UNC13C: variants seen among roughly 807,000 people sequenced by gnomAD.
UNC13C encodes the protein protein unc-13 homolog C.
A neutral mutation model predicts 245.4 loss-of-function variants in UNC13C; 174 were observed. The observed-to-expected ratio is 0.71, with a 90% CI of 0.63 to 0.80. UNC13C has a LOEUF of 0.80. UNC13C is among the 30% of genes least tolerant of loss of function. The probability of loss-of-function intolerance (pLI) is 0.00; values close to 1 mark genes in which losing one functional copy is unlikely to be tolerated. For synonymous variants in UNC13C, 992 were observed against 895.1 expected (o/e 1.11, Z -1.93); for missense variants, 2,829 against 2,602.9 (o/e 1.09, Z -1.89).
chr15:54,345,971 C>A (rs564164450), intron 17 of UNC13C, among the ~76,000 whole-genome samples: 2 of 152,164 alleles, frequency 1.3e-5, no homozygotes, highest in African/African-American at 4.8e-5. Context: ...AACAGCTAAC[C>A]GCAGCTCAGC....
At chr15:53,962,866 C>T in the UNC13C span, among the ~76,000 whole-genome samples, 1 of 152,174 alleles carries the variant, frequency 6.6e-6, no homozygotes, top group Non-Finnish European at 1.5e-5. Context: ...TCATCAGAAC[C>T]ACCTGAAGGG....
chr15:54,028,838 C>T (rs1896235805), intron 2 of UNC13C, among the ~76,000 whole-genome samples: 1 of 151,864 alleles, frequency 6.6e-6, no homozygotes, highest in South Asian at 2.1e-4. Flanking sequence ...CTACAGGCGC[C>T]CGCAGCCTGC....
the UNC13C span, among the ~76,000 whole-genome samples, chr15:53,871,028 T>G: frequency 6.6e-6 from 1 of 152,208 alleles, no homozygotes; most frequent in Non-Finnish European, 1.5e-5. Flanking sequence ...CCAGTCATGT[T>G]GTGCTCTAAT....
intron 10 of UNC13C, among the ~76,000 whole-genome samples, chr15:54,266,917 T>C (rs1221446297): frequency 6.6e-6 from 1 of 152,112 alleles, no homozygotes; most frequent in East Asian, 1.9e-4. Context: ...CATGTAATGC[T>C]TTGTGTGGTT....
Position 54,250,449 on chromosome 15 carries a change from G to A in UNC13C, c.3448+5G>A. The A allele has an allele frequency of 6.3e-7, 1 of 1,596,548 alleles. No individual in the cohort carries two copies. Among genetic ancestry groups the A allele is most frequent in the Non-Finnish European group, 8.5e-7 (1 of 1,170,370 alleles). On this transcript the variant is annotated splice_donor_5th_base_variant and intron_variant, in intron 8 of 32. Transcript: ENST00000260323. ...TAAACGCTGACTGCTTGCAGAGTGA[G>A]TACTTGGTTTGGCTGAAAAAGTGGT...
the UNC13C span, among the ~76,000 whole-genome samples, chr15:53,949,332 G>C: frequency 6.6e-6 from 1 of 152,088 alleles, no homozygotes; most frequent in East Asian, 1.9e-4. Flanking sequence ...ACTTGCAGCT[G>C]TTTAAAAAAA....
intron 4 of UNC13C, among the ~76,000 whole-genome samples, chr15:54,151,682 G>A (rs751939952): frequency 6.6e-6 from 1 of 152,144 alleles, no homozygotes; most frequent in Non-Finnish European, 1.5e-5. Flanking sequence ...GGGATGATAC[G>A]AGTGAGCCAC....
At chr15:54,160,922 C>G (rs1357567458) in intron 4 of UNC13C, among the ~76,000 whole-genome samples, 12 of 152,004 alleles carry the variant, frequency 7.9e-5, no homozygotes. Context: ...GTAATATACT[C>G]TTTCAAATGT....
chr15:54,134,638 G>A (rs1022267281), intron 2 of UNC13C, among the ~76,000 whole-genome samples: 3 of 152,008 alleles, frequency 2.0e-5, no homozygotes, highest in Non-Finnish European at 4.4e-5. Context: ...TCCTGCCTTA[G>A]CCTCCCGAGT....
At chr15:54,316,795 C>T (rs911089237) in intron 13 of UNC13C, among the ~76,000 whole-genome samples, 6 of 151,932 alleles carry the variant, frequency 3.9e-5, no homozygotes, top group South Asian at 2.1e-4. Context: ...GGATTCAATT[C>T]GGCCTTTGGA....
chr15:54,616,078 A>C (rs1200325193), intron 30 of UNC13C, among the ~76,000 whole-genome samples: 1 of 152,070 alleles, frequency 6.6e-6, no homozygotes, highest in Non-Finnish European at 1.5e-5. Context: ...ATTCTAAAAG[A>C]TAATTAACCA....
the UNC13C span, among the ~76,000 whole-genome samples, chr15:53,919,633 C>G: frequency 6.6e-6 from 1 of 152,048 alleles, no homozygotes; most frequent in Non-Finnish European, 1.5e-5. Context: ...TTTTTTGGAA[C>G]AATGTTAATT....
chr15:54,038,129 T>A (rs1312765985), intron 2 of UNC13C, among the ~76,000 whole-genome samples: 9 of 101,960 alleles, frequency 8.8e-5, no homozygotes, highest in Middle Eastern at 4.8e-3. Context: ...TATATATTTT[T>A]TTTTTTTTTT....
At chr15:53,857,708 G>C in the UNC13C span, among the ~76,000 whole-genome samples, 7 of 152,186 alleles carry the variant, frequency 4.6e-5, no homozygotes, top group Admixed American at 2.0e-4. Context: ...ATGGCAGTCT[G>C]CTGGGAGAAA....
chr15:54,625,298 C>T (rs1221515875), intron 32 of UNC13C, among the ~76,000 whole-genome samples: 1 of 150,878 alleles, frequency 6.6e-6, no homozygotes, highest in African/African-American at 2.5e-5. Flanking sequence ...GATATAGTCC[C>T]AACAGATGAG....
chr15:54,544,666 G>C (rs1477598327), intron 26 of UNC13C, among the ~76,000 whole-genome samples: 1 of 152,114 alleles, frequency 6.6e-6, no homozygotes, highest in African/African-American at 2.4e-5. Context: ...GAAAAACAGA[G>C]AGCCAAATCA....
intron 15 of UNC13C, among the ~76,000 whole-genome samples, chr15:54,332,841 A>G (rs576455324): frequency 6.6e-6 from 1 of 152,114 alleles, no homozygotes; most frequent in African/African-American, 2.4e-5. Context: ...TCTCCCATGC[A>G]TTCATTTTTA....
chr15:54,041,057 A>G (rs1384296934), intron 2 of UNC13C, among the ~76,000 whole-genome samples: 1 of 152,206 alleles, frequency 6.6e-6, no homozygotes, highest in Non-Finnish European at 1.5e-5. Flanking sequence ...GCTTCCATGG[A>G]AAGTTAGCTA....
intron 2 of UNC13C, among the ~76,000 whole-genome samples, chr15:54,084,089 C>T (rs1253665478): frequency 2.0e-5 from 3 of 152,222 alleles, no homozygotes; most frequent in Non-Finnish European, 4.4e-5. Context: ...TCCCACTACC[C>T]TTTCTTCGGG....
Sources: gnomAD v4.1 joint callset for allele counts (sites outside exome capture counted in the v4.1 genomes callset) on GRCh38, gnomAD v4.1.1 for gene constraint, MANE v1.5 for transcripts, NCBI Gene and HGNC (gene_info 2026-07-23, HGNC 2026-07-21) for gene names.